The following MSI2 variants were observed in gnomAD, a reference collection of about 807,000 sequenced individuals.
MSI2 encodes RNA-binding protein Musashi homolog 2.
MSI2 carries 17 observed loss-of-function variants against 45.6 expected under a neutral mutation model. That is an observed-to-expected ratio of 0.37 (90% CI 0.26 to 0.56). MSI2 has a LOEUF of 0.56. Ranked by LOEUF, MSI2 falls within the 20% of genes least tolerant of loss-of-function variation. MSI2 has a pLI of 0.77. For synonymous variants in MSI2, 156 were observed against 158.2 expected, an observed-to-expected ratio of 0.99 and a Z score of 0.11; for missense variants, 293 against 444.2, an observed-to-expected ratio of 0.66 and a Z score of 3.06.
intron 6 of MSI2, among the ~76,000 whole-genome samples, chr17:57,443,707 AG>A (rs1371637360): frequency 1.3e-5 from 2 of 152,166 alleles, no homozygotes; most frequent in South Asian, 2.1e-4. Context: ...TCAGGGGGTC[AG>A]CCTGAACCGT....
intron 5 of MSI2, among the ~76,000 whole-genome samples, chr17:57,339,796 C>T (rs1057153668): frequency 3.9e-5 from 6 of 152,136 alleles, no homozygotes; most frequent in Non-Finnish European, 7.3e-5. Context: ...CTTTGGGTCT[C>T]CTGACTCCCA....
At chr17:57,457,140 T>C (rs1452974716) in intron 6 of MSI2, among the ~76,000 whole-genome samples, 2 of 152,124 alleles carry the variant, frequency 1.3e-5, no homozygotes, top group Non-Finnish European at 2.9e-5. Flanking sequence ...AAAGAAGAGG[T>C]GGAGATGTTA....
chr17:57,535,025 G>A (rs959828238), intron 7 of MSI2, among the ~76,000 whole-genome samples: 1 of 152,230 alleles, frequency 6.6e-6, no homozygotes, highest in Non-Finnish European at 1.5e-5. Context: ...GACAGGGAGG[G>A]AAGAGGCAAC....
At chr17:57,345,062 C>CAAA in intron 5 of MSI2, among the ~76,000 whole-genome samples, 2 of 144,782 alleles carry the variant, frequency 1.4e-5, no homozygotes, top group African/African-American at 5.1e-5. Context: ...GACTCCGTCT[C>CAAA]AAAAAAAAAA....
At chr17:57,387,694 T>G (rs924578596) in intron 5 of MSI2, among the ~76,000 whole-genome samples, 2 of 152,134 alleles carry the variant, frequency 1.3e-5, no homozygotes, top group Admixed American at 6.5e-5. Context: ...TAATTAGTAT[T>G]TAATTTATAG....
At chr17:57,396,158 T>C (rs1021366719) in intron 5 of MSI2, among the ~76,000 whole-genome samples, 1 of 152,212 alleles carries the variant, frequency 6.6e-6, no homozygotes, top group Non-Finnish European at 1.5e-5. Context: ...CCTGTGGGCC[T>C]TTCTCATACT....
At chr17:57,332,957 A>C (rs1914388383) in intron 5 of MSI2, among the ~76,000 whole-genome samples, 1 of 152,082 alleles carries the variant, frequency 6.6e-6, no homozygotes, top group African/African-American at 2.4e-5. Flanking sequence ...CCTGGAAGGC[A>C]GAGGTTGCAG....
At chr17:57,271,154 G>A (rs1406636327) in intron 5 of MSI2, among the ~76,000 whole-genome samples, 2 of 152,144 alleles carry the variant, frequency 1.3e-5, no homozygotes, top group Admixed American at 1.3e-4. Context: ...CTCTACCAAT[G>A]ACTGATCTGA....
In MSI2 at chr17:57,482,507, T is replaced by C. The variant is rs2085667460; in HGVS notation, c.406-47169T>C. ...AAATATATTGCCATGGCCAAGTCTG[T>C]CATTCGTGTACATGGCGTGGAAGGG... On this transcript the variant is annotated intron_variant, in intron 6 of 13. Transcript: ENST00000284073. 4.6e-5 allele frequency among the ~76,000 whole-genome samples: 7 copies of C among 152,214 alleles called. No individual in the cohort carries two copies. In the South Asian group the frequency reaches 1.4e-3, roughly 32 times the overall value.
intron 7 of MSI2, among the ~76,000 whole-genome samples, chr17:57,576,969 C>T (rs1267610977): frequency 6.6e-6 from 1 of 152,040 alleles, no homozygotes; most frequent in African/African-American, 2.4e-5. Flanking sequence ...ACTGCTCAGA[C>T]CCCATGTGGA....
intron 7 of MSI2, among the ~76,000 whole-genome samples, chr17:57,588,988 C>G (rs948837398): frequency 2.6e-5 from 4 of 152,338 alleles, no homozygotes; most frequent in Non-Finnish European, 5.9e-5. Flanking sequence ...AGTGGCTGCT[C>G]AGTGACGGCA....
intron 5 of MSI2, among the ~76,000 whole-genome samples, chr17:57,271,524 G>C (rs1318182754): frequency 6.6e-6 from 1 of 152,122 alleles, no homozygotes; most frequent in Non-Finnish European, 1.5e-5. Flanking sequence ...GATGCATTCT[G>C]GGGAGAGAGT....
intron 6 of MSI2, among the ~76,000 whole-genome samples, chr17:57,490,215 G>T (rs2332933): frequency 6.6e-6 from 1 of 151,984 alleles, no homozygotes; most frequent in Non-Finnish European, 1.5e-5. Flanking sequence ...CTGCCACTCA[G>T]TAGATGCTAG....
intron 5 of MSI2, among the ~76,000 whole-genome samples, chr17:57,316,139 G>A (rs1912831208): frequency 6.6e-6 from 1 of 152,002 alleles, no homozygotes; most frequent in African/African-American, 2.4e-5. Flanking sequence ...CTCTTGTACT[G>A]TTAACCCAGG....
intron 6 of MSI2, among the ~76,000 whole-genome samples, chr17:57,501,436 G>A (rs764539858): frequency 1.3e-5 from 2 of 152,198 alleles, no homozygotes; most frequent in African/African-American, 2.4e-5. Flanking sequence ...GTAAGGACCT[G>A]TCTCACTCTT....
intron 10 of MSI2, chr17:57,632,429 C>T: frequency 9.4e-7 from 1 of 1,066,120 alleles, no homozygotes. Flanking sequence ...ACAAGCCTGT[C>T]TGTCTTCGAG....
At chr17:57,517,753 C>G (rs1258868527) in intron 6 of MSI2, among the ~76,000 whole-genome samples, 1 of 152,144 alleles carries the variant, frequency 6.6e-6, no homozygotes, top group Non-Finnish European at 1.5e-5. Flanking sequence ...CTTGGGAAAC[C>G]TGCAGCTACT....
At chr17:57,536,656 T>C (rs1372621549) in intron 7 of MSI2, among the ~76,000 whole-genome samples, 1 of 152,236 alleles carries the variant, frequency 6.6e-6, no homozygotes, top group Non-Finnish European at 1.5e-5. Flanking sequence ...ATTGGAAGCC[T>C]GTAAACCAAC....
intron 6 of MSI2, among the ~76,000 whole-genome samples, chr17:57,516,442 G>A (rs749790390): frequency 1.1e-4 from 16 of 152,150 alleles, no homozygotes; most frequent in Non-Finnish European, 1.8e-4. Context: ...CCAAAAGATG[G>A]TTTATTTGCA....
Sources: gnomAD v4.1 joint callset for allele counts (sites outside exome capture counted in the v4.1 genomes callset) on GRCh38, gnomAD v4.1.1 for gene constraint, MANE v1.5 for transcripts, NCBI Gene and HGNC (gene_info 2026-07-23, HGNC 2026-07-21) for gene names.